CFAP53: variants seen among roughly 807,000 people sequenced by gnomAD.
CFAP53 encodes the protein cilia- and flagella-associated protein 53.
In CFAP53, 62 loss-of-function variants were observed where a neutral mutation model predicts 59.7. The ratio of observed to expected loss-of-function variants is 1.04; its 90% CI spans 0.85 to 1.28. The LOEUF (loss-of-function observed/expected upper bound fraction) is 1.28. CFAP53 is among the 50% of genes most tolerant of loss of function. CFAP53 has a pLI of 0.00. For synonymous variants in CFAP53, 218 were observed against 205.7 expected (o/e 1.06, Z -0.51); for missense variants, 629 against 615.6 (o/e 1.02, Z -0.23).
chr18:50,264,408 G>C (rs899851196), intron 1 of CFAP53, among the ~76,000 whole-genome samples: 1 of 152,198 alleles, frequency 6.6e-6, no homozygotes, highest in African/African-American at 2.4e-5. Context: ...TAATTGAATG[G>C]AGCAAGTTAC....
At chr18:50,254,684 T>G (rs868681799) in intron 3 of CFAP53, among the ~76,000 whole-genome samples, 45 of 151,344 alleles carry the variant, frequency 3.0e-4, no homozygotes, top group Admixed American at 4.6e-4. Context: ...AGGTCGGGAG[T>G]TCAAGACCAG....
intron 5 of CFAP53, among the ~76,000 whole-genome samples, chr18:50,250,525 G>GA (rs2033787799): frequency 6.6e-6 from 1 of 152,160 alleles, no homozygotes; most frequent in South Asian, 2.1e-4. Flanking sequence ...TCACCTGGGG[G>GA]AGTGTGCTGA....
rs202174278 is a variant in CFAP53 at position 50,266,391 on chromosome 18, C to A, written c.14G>T (p.Arg5Leu). The A allele has an allele frequency of 2.2e-4, 361 of 1,614,152 alleles. No homozygotes were observed. Among genetic ancestry groups the A allele is most frequent in the Non-Finnish European group, 2.9e-4 (348 of 1,180,058 alleles). Residue 5 changes from arginine (R) to leucine (L), a missense_variant, in exon 1 of 8, where the codon CGG (arginine) becomes CTG (leucine). Physicochemically the swap from Arg to Leu is moderately radical, Grantham distance 102. Coordinates refer to ENST00000398545, the MANE Select transcript of CFAP53 (RefSeq NM_145020.5). ...AACCTCCCGCTGTACGGTGCCAAAC[C>A]GCTGGCTGTACATTTTCGAGTCCCC... MYSQ[R>L]FGTVQREVKG...
At chr18:50,264,889 T>G (rs1183428268) in intron 1 of CFAP53, among the ~76,000 whole-genome samples, 1 of 152,214 alleles carries the variant, frequency 6.6e-6, no homozygotes, top group African/African-American at 2.4e-5. Context: ...ATGAAGTGTG[T>G]TTATAATTAT....
rs561420923 is a variant in CFAP53, at chr18:50,235,916, A to G, written c.1316+2687T>C. On this transcript the variant is annotated intron_variant, in intron 7 of 7. Transcript: ENST00000398545. ...GTTGGAAGATGAGACCTTCATCCAC[A>G]TGCCAAAGATTTGTCATTGTTGCTC... Among the ~76,000 whole-genome samples the G allele has an allele frequency of 6.6e-5, 10 of 152,348 alleles. No homozygotes were observed. The South Asian group carries it at 2.1e-3, about 32-fold the overall frequency.
Position 50,266,411 on chromosome 18 carries a change from G to A in CFAP53, c.-7C>T. The A allele has an allele frequency of 6.2e-7, 1 of 1,614,214 alleles. No homozygotes were observed. Among genetic ancestry groups the A allele is most frequent in the South Asian group, 1.1e-5 (1 of 91,092 alleles). ...CAAACCGCTGGCTGTACATTTTCGA[G>A]TCCCCTTCGGGACGGGGGCGGCGTC... is the stretch of plus-strand genomic sequence containing the variant. On this transcript the variant is annotated 5_prime_UTR_variant, in exon 1 of 8. Transcript: ENST00000398545.
intron 5 of CFAP53, among the ~76,000 whole-genome samples, chr18:50,246,581 G>A (rs1157597072): frequency 6.6e-6 from 1 of 152,072 alleles, no homozygotes; most frequent in African/African-American, 2.4e-5. Context: ...TTTTAGATAG[G>A]ACCCCTAAAG....
At position 50,266,486 on chromosome 18, in the gene CFAP53, G is replaced by T; in HGVS notation, c.-82C>A. On this transcript the variant is annotated 5_prime_UTR_variant, in exon 1 of 8. Coordinates refer to ENST00000398545, the MANE Select transcript of CFAP53 (RefSeq NM_145020.5). ...GACCTGCGGGACCCGCTTCCGCGAC[G>T]CAGAAGTCTGGTTGCCATGGTGCGC... 1 of 1,397,484 alleles carries T rather than the reference G, an allele frequency of 7.2e-7. No homozygotes were observed. The highest frequency in any genetic ancestry group is 1.0e-6 in the Non-Finnish European group (1 of 983,150). The allele number at this position is 1,397,484 out of a possible 1,614,324, so 86.6% of individuals were successfully genotyped here.
At position 50,227,499 on chromosome 18, in the gene CFAP53, C is replaced by A. The variant is rs1346839373; in HGVS notation, c.1427G>T (p.Gly476Val). 1.2e-6 allele frequency: 2 copies of A among 1,614,148 alleles called. No homozygotes were observed. Among genetic ancestry groups the A allele is most frequent in the Non-Finnish European group, 1.7e-6 (2 of 1,179,996 alleles). ...CAAACACATCTTGTTTGCTGCTACA[C>A]CTGCTTCAAACTCTCGGCGTTTCTC... Reference protein sequence around the residue: ...KEEKRREFEAGVAANKMCLDK... With the variant: ...KEEKRREFEAVVAANKMCLDK... Residue 476 changes from glycine to valine, a missense_variant, in exon 8 of 8, where the codon GGT becomes GTT. By Grantham distance (109) the Gly-to-Val change is moderately radical. Coordinates refer to ENST00000398545, the MANE Select transcript of CFAP53 (RefSeq NM_145020.5).
At chr18:50,252,856 T>G (rs1446815998) in intron 3 of CFAP53, among the ~76,000 whole-genome samples, 4 of 152,136 alleles carry the variant, frequency 2.6e-5, no homozygotes, top group Non-Finnish European at 5.9e-5. Flanking sequence ...TCTACAAAAG[T>G]TTTTAAAAAA....
chr18:50,231,436 T>C (rs993564677), intron 7 of CFAP53, among the ~76,000 whole-genome samples: 1 of 152,194 alleles, frequency 6.6e-6, no homozygotes, highest in African/African-American at 2.4e-5. Flanking sequence ...TCTTTCCCTT[T>C]CCCAACTTAG....
intron 7 of CFAP53, among the ~76,000 whole-genome samples, chr18:50,238,098 G>A (rs1228771202): frequency 6.6e-6 from 1 of 152,092 alleles, no homozygotes; most frequent in Non-Finnish European, 1.5e-5. Flanking sequence ...ATACATAATG[G>A]CAATGGAATT....
At position 50,238,609 on chromosome 18, in the gene CFAP53, AAAT is replaced by A; in HGVS notation, c.1307_1309del (p.Asn436_Phe437delinsIle). On this transcript the variant is annotated inframe_deletion, in exon 7 of 8. Transcript: ENST00000398545. ...ACAGAAAACAAAATCATACCTTGCA[AAAT>A]TCTCCTTCTCTTCACAGTTAAGTTC... 6.2e-7 allele frequency: 1 copy of A among 1,606,526 alleles called. No individual in the cohort carries two copies. The highest frequency in any genetic ancestry group is 8.5e-7 in the Non-Finnish European group (1 of 1,176,324).
Position 50,227,328 on chromosome 18 carries a change from C to T in CFAP53, c.*53G>A. 5 of 1,403,784 alleles carry T rather than the reference C, an allele frequency of 3.6e-6. No homozygotes were observed. Among genetic ancestry groups the T allele is most frequent in the Non-Finnish European group, 5.0e-6 (5 of 997,698 alleles). The allele number at this position is 1,403,784 out of a possible 1,614,324, so 87.0% of individuals were successfully genotyped here. ...GAGTTAAAAGAAGCATACAAGCATA[C>T]TGTAGTTAAAAATATTAAAAGACCA... On this transcript the variant is annotated 3_prime_UTR_variant, in exon 8 of 8. Coordinates refer to ENST00000398545, the MANE Select transcript of CFAP53 (RefSeq NM_145020.5).
chr18:50,233,710 G>C (rs1022472156), intron 7 of CFAP53, among the ~76,000 whole-genome samples: 1 of 152,188 alleles, frequency 6.6e-6, no homozygotes, highest in Admixed American at 6.5e-5. Flanking sequence ...ACTCCTCCCA[G>C]TAATATTTCA....
chr18:50,228,225 C>T (rs1027247835), intron 7 of CFAP53, among the ~76,000 whole-genome samples: 22 of 151,674 alleles, frequency 1.5e-4, no homozygotes, highest in African/African-American at 4.1e-4. Context: ...TCCCAAAGTG[C>T]TGGGATTACA....
intron 7 of CFAP53, among the ~76,000 whole-genome samples, chr18:50,233,484 A>AT (rs2033601585): frequency 6.6e-6 from 1 of 152,164 alleles, no homozygotes; most frequent in Non-Finnish European, 1.5e-5. Flanking sequence ...ACCCAGATGA[A>AT]TTTTTTTGTA....
chr18:50,251,630 A>T lies in CFAP53; in HGVS notation c.628T>A (p.Leu210Ile), dbSNP rs1192261081. ...TGGGCTTCTCGCTTTTCCTTGGCTA[A>T]TCGGTCTTCCTCCCAGAGTTTGGAG... ...MFSKLWEEDR[L>I]AKEKREAQEA... is the part of the protein sequence containing the mutation. The change falls in exon 4 of 8, where the codon TTA becomes ATA. Residue 210 changes from leucine to isoleucine, a missense_variant. Leu to Ile is a conservative substitution (Grantham distance 5). Coordinates refer to ENST00000398545, the MANE Select transcript of CFAP53 (RefSeq NM_145020.5). 3.1e-6 allele frequency: 5 copies of T among 1,613,968 alleles called. No homozygotes were observed. Among genetic ancestry groups the T allele is most frequent in the Admixed American group, 1.7e-5 (1 of 59,998 alleles).
At chr18:50,255,586 C>G (rs1415898730) in intron 3 of CFAP53, among the ~76,000 whole-genome samples, 1 of 140,368 alleles carries the variant, frequency 7.1e-6, no homozygotes, top group African/African-American at 2.6e-5. Context: ...CAAAAAAAAA[C>G]CACTGGTAAT....
Sources: gnomAD v4.1 joint callset for allele counts (sites outside exome capture counted in the v4.1 genomes callset) on GRCh38, gnomAD v4.1.1 for gene constraint, MANE v1.5 for transcripts, NCBI Gene and HGNC (gene_info 2026-07-23, HGNC 2026-07-21) for gene names.